The following MYBBP1A variants were observed in gnomAD, a reference collection of about 807,000 sequenced individuals.
The protein encoded by MYBBP1A is myb-binding protein 1A.
Under a neutral mutation model 136.3 loss-of-function variants are expected in MYBBP1A, and 147 were observed. That is an observed-to-expected ratio of 1.08 (90% CI 0.94 to 1.24). MYBBP1A has a LOEUF of 1.24. MYBBP1A is among the 50% of genes most tolerant of loss of function. The pLI is 0.00. For missense variants in MYBBP1A, 2,060 were observed against 1,727.4 expected, an observed-to-expected ratio of 1.19 and a Z score of -3.41; for synonymous variants, 947 against 735.8, an observed-to-expected ratio of 1.29 and a Z score of -4.65.
At chr17:4,541,370 G>A (rs988248667) in intron 24 of MYBBP1A, 93 bp downstream of exon 24, 14 of 1,125,576 alleles carry the variant, frequency 1.2e-5, no homozygotes, top group Non-Finnish European at 1.9e-5. Flanking sequence ...CCCCATCCCT[G>A]CAGTCCAGCC....
intron 8 of MYBBP1A, among the ~76,000 whole-genome samples, chr17:4,551,127 G>A (rs1291320721): frequency 6.6e-6 from 1 of 152,232 alleles, no homozygotes; most frequent in Non-Finnish European, 1.5e-5. Flanking sequence ...GACTACAGGT[G>A]TGCACCACCA....
At position 4,554,916 on chromosome 17, in the gene MYBBP1A, C is replaced by A. The variant is rs1209204000; in HGVS notation, c.239G>T (p.Gly80Val). The change falls in exon 2 of 26, where the codon GGA becomes GTA. Residue 80 changes from glycine to valine, a missense_variant. Coordinates refer to ENST00000254718, the MANE Select transcript of MYBBP1A (RefSeq NM_014520.4). ...MKYALKRLIT[G>V]LGVGRETARP... ...GGCTGTTTCTCGCCCGACCCCGAGTCCCGTGATTAGACGCTTCAGGGCATA... is the reference window on the plus strand; with the variant it reads ...GGCTGTTTCTCGCCCGACCCCGAGTACCGTGATTAGACGCTTCAGGGCATA... The A allele has an allele frequency of 3.1e-6, 5 of 1,613,464 alleles. No individual in the cohort carries two copies. Among genetic ancestry groups the A allele is most frequent in the African/African-American group, 2.7e-5 (2 of 74,910 alleles).
Position 4,553,917 on chromosome 17 carries a change from C to T in MYBBP1A, c.454G>A (p.Asp152Asn). Residue 152 changes from aspartate (D) to asparagine (N), a missense_variant and splice_region_variant, in exon 5 of 26, where the codon GAC (aspartate) becomes AAC (asparagine). Coordinates refer to ENST00000254718, the MANE Select transcript of MYBBP1A (RefSeq NM_014520.4). The stretch of plus-strand genomic sequence containing the variant: ...ACCGACTTCATCAGTGCCTCCTGGT[C>T]CTGGTCCCCACAGAGGGACAGAGGG... ...ALFQSGRLVK[D>N]QEALMKSVKL... is the part of the protein sequence containing the mutation. 1 of 1,614,046 alleles carries T rather than the reference C, an allele frequency of 6.2e-7. No individual in the cohort carries two copies. Among genetic ancestry groups the T allele is most frequent in the Non-Finnish European group, 8.5e-7 (1 of 1,180,012 alleles).
chr17:4,551,714 A>G (rs1471002440), intron 8 of MYBBP1A, among the ~76,000 whole-genome samples, 166 bp downstream of exon 8: 1 of 152,180 alleles, frequency 6.6e-6, no homozygotes. Flanking sequence ...CATCTCAAAA[A>G]AAAAAAATTT....
chr17:4,540,515 G>A (rs376448136), intron 24 of MYBBP1A, 31 bp from the exon 25 acceptor site: 2 of 1,579,002 alleles, frequency 1.3e-6, no homozygotes, highest in African/African-American at 2.7e-5. Flanking sequence ...GAGCTGTGGG[G>A]CCACAGAGGG....
chr17:4,554,749 G>C (rs1907871902), intron 2 of MYBBP1A, 112 bp downstream of exon 2: 1 of 1,039,964 alleles, frequency 9.6e-7, no homozygotes, highest in African/African-American at 1.6e-5. Context: ...TGCCACTCCC[G>C]ACCTCTCTCT....
Position 4,554,368 on chromosome 17 carries a change from C to G in MYBBP1A, c.295-90G>C, listed in dbSNP as rs1020773030. On this transcript the variant is annotated intron_variant, in intron 2 of 25. Coordinates refer to ENST00000254718, the MANE Select transcript of MYBBP1A (RefSeq NM_014520.4). The stretch of plus-strand genomic sequence containing the variant: ...ACCTTAACCTCCCTTCCCCCTTCAA[C>G]TTCTCCCAAGAAGCCTCAGGTCCCT... 2.6e-6 allele frequency: 3 copies of G among 1,160,658 alleles called. 1 individual carries two copies. The highest frequency in any genetic ancestry group is 1.5e-5 in the African/African-American group (1 of 65,206). 71.9% of individuals were successfully genotyped at this position (1,160,658 alleles called of 1,614,324 possible).
chr17:4,554,992 A>C (rs1411264126), intron 1 of MYBBP1A, 36 bp from the exon 2 acceptor site: 1 of 1,611,116 alleles, frequency 6.2e-7, no homozygotes, highest in South Asian at 1.1e-5. Context: ...TTCAATGGTG[A>C]CAACAAGGTG....
rs1213219817 is a variant in MYBBP1A, at chr17:4,555,281, G to A, written c.44C>T (p.Ala15Val). ...GGCAGGCCGGGCGCCACTCTGCGTC[G>A]CTTCTCCAGGCGACATCGGCTGGGC... is the stretch of plus-strand genomic sequence containing the variant. ...DPAQPMSPGE[A>V]TQSGARPADR... The change falls in exon 1 of 26, where the codon GCG becomes GTG. Residue 15 changes from alanine to valine, a missense_variant. Coordinates refer to ENST00000254718, the MANE Select transcript of MYBBP1A (RefSeq NM_014520.4). 1.2e-6 allele frequency: 2 copies of A among 1,610,166 alleles called. No homozygotes were observed. Among genetic ancestry groups the A allele is most frequent in the Non-Finnish European group, 1.7e-6 (2 of 1,178,998 alleles).
intron 1 of MYBBP1A, 65 bp downstream of exon 1, chr17:4,555,062 C>T (rs1907907811): frequency 6.4e-7 from 1 of 1,574,784 alleles, no homozygotes; most frequent in African/African-American, 1.3e-5. Context: ...TCTCAACTCC[C>T]TGGGCCCGCC....
At chr17:4,542,120 C>G (rs1192266985) in intron 22 of MYBBP1A, 1 of 588,958 alleles carries the variant, frequency 1.7e-6, no homozygotes. Flanking sequence ...CAATTCCTGC[C>G]CATTATTGGC....
In MYBBP1A at chr17:4,545,254, AAC is replaced by A; in HGVS notation, c.2160+3_2160+4del. 6.2e-7 allele frequency: 1 copy of A among 1,606,512 alleles called. No homozygotes were observed. Among genetic ancestry groups the A allele is most frequent in the Non-Finnish European group, 8.5e-7 (1 of 1,178,374 alleles). Reference sequence around the variant, plus strand: ...CCGCCCCCGCCCGGCCCATGCTGGCAACACCTCTGCACCCTTCAGCCGCCGCT... The same window carrying A: ...CCGCCCCCGCCCGGCCCATGCTGGCAACCTCTGCACCCTTCAGCCGCCGCT... On this transcript the variant is annotated splice_donor_region_variant and intron_variant, in intron 16 of 25. Coordinates refer to ENST00000254718, the MANE Select transcript of MYBBP1A (RefSeq NM_014520.4).
rs756575997 is a variant in MYBBP1A at position 4,550,312 on chromosome 17, G to A, written c.1065C>T (p.Tyr355=). ...QFKFAPEMDD[Y]VGTFLEGCQD... ...GGCACCCCTCTAGGAAGGTGCCCACGTAATCGTCCATCTCTGGGGCAAACT... is the reference window on the plus strand; with the variant it reads ...GGCACCCCTCTAGGAAGGTGCCCACATAATCGTCCATCTCTGGGGCAAACT... The change falls in exon 9 of 26, where the codon TAC becomes TAT. Residue 355 remains tyrosine (Y), a synonymous_variant. Coordinates refer to ENST00000254718, the MANE Select transcript of MYBBP1A (RefSeq NM_014520.4). The A allele has an allele frequency of 5.4e-5, 87 of 1,612,992 alleles. No individual in the cohort carries two copies. The highest frequency in any genetic ancestry group is 6.6e-5 in the South Asian group (6 of 91,082).
In MYBBP1A at chr17:4,549,785, CAAAAAAAAAA is replaced by C. The variant is rs60360356; in HGVS notation, c.1319+263_1319+272del. On this transcript the variant is annotated intron_variant, in intron 9 of 25. Coordinates refer to ENST00000254718, the MANE Select transcript of MYBBP1A (RefSeq NM_014520.4). Reference sequence around the variant, plus strand: ...TAGGCCACAGAGAGTGAGACTCTGTCAAAAAAAAAAAAAAAAAAAAAAAAGAACCAGCAAA... The same window carrying C: ...TAGGCCACAGAGAGTGAGACTCTGTCAAAAAAAAAAAAAAGAACCAGCAAA... 2.4e-4 allele frequency among the ~76,000 whole-genome samples: 16 copies of C among 65,396 alleles called. No individual in the cohort carries two copies. The East Asian group carries it at 5.9e-3, about 24-fold the overall frequency. 42.9% of individuals were successfully genotyped at this position (65,396 alleles called of 152,430 possible).
chr17:4,544,348 G>T (rs1053250967), intron 19 of MYBBP1A, 141 bp downstream of exon 19: 7 of 1,089,382 alleles, frequency 6.4e-6, no homozygotes, highest in Non-Finnish European at 9.1e-6. Context: ...CTCTAGGGCT[G>T]AGCAGTGAGC....
In MYBBP1A at chr17:4,544,895, C is replaced by G. The variant is rs1416316901; in HGVS notation, c.2337G>C (p.Glu779Asp). 1.9e-6 allele frequency: 3 copies of G among 1,604,686 alleles called. No homozygotes were observed. The African/African-American group carries it at 4.0e-5, about 21-fold the overall frequency. The change falls in exon 18 of 26, where the codon GAG becomes GAC. Residue 779 changes from glutamate (E) to aspartate (D), a missense_variant. By Grantham distance (45) the Glu-to-Asp change is conservative. Coordinates refer to ENST00000254718, the MANE Select transcript of MYBBP1A (RefSeq NM_014520.4). The stretch of plus-strand genomic sequence containing the variant: ...CCATCATGGCCTCATCCCCCAGCTC[C>G]TCCTCGTTCTCACTGTCCTCTCCAC... ...ALGGEDSENEEELGDEAMMAL... is the reference protein window; with the variant it reads ...ALGGEDSENEDELGDEAMMAL...
Position 4,553,806 on chromosome 17 carries a change from A to T in MYBBP1A, c.561+4T>A. On this transcript the variant is annotated splice_donor_region_variant and intron_variant, in intron 5 of 25. Coordinates refer to ENST00000254718, the MANE Select transcript of MYBBP1A (RefSeq NM_014520.4). ...CTGGGCCCGCACAGCTGGGGAGCTC[A>T]TACCTCGGAGAGGATGTCCACCAGG... 1 of 1,613,604 alleles carries T rather than the reference A, an allele frequency of 6.2e-7. No individual in the cohort carries two copies. Among genetic ancestry groups the T allele is most frequent in the Non-Finnish European group, 8.5e-7 (1 of 1,179,716 alleles).
intron 18 of MYBBP1A, 36 bp downstream of exon 18, chr17:4,544,715 G>A (rs1245017811): frequency 2.7e-6 from 4 of 1,502,166 alleles, no homozygotes; most frequent in South Asian, 1.3e-5. Context: ...GGCGCACAGG[G>A]AGGCGGGGGT....
intron 5 of MYBBP1A, 66 bp downstream of exon 5, chr17:4,553,744 T>A: frequency 4.9e-6 from 6 of 1,234,834 alleles, no homozygotes; most frequent in African/African-American, 1.5e-5. Flanking sequence ...CAGATTCTCA[T>A]CCGAGCCCCC....
Sources: allele counts gnomAD v4.1 joint callset (sites outside exome capture counted in the v4.1 genomes callset), GRCh38; gene constraint gnomAD v4.1.1; transcripts MANE v1.5; gene names NCBI Gene and HGNC (gene_info 2026-07-23, HGNC 2026-07-21).